The following AJAP1 variants were observed in gnomAD, a reference collection of about 807,000 sequenced individuals.
AJAP1 encodes the protein adherens junction-associated protein 1.
Under a neutral mutation model 35.0 loss-of-function variants are expected in AJAP1, and 5 were observed. That is an observed-to-expected ratio of 0.14 (90% CI 0.07 to 0.30). The LOEUF (loss-of-function observed/expected upper bound fraction) is 0.30, where lower values mean the gene tolerates loss of function less well. Ranked by LOEUF, AJAP1 falls within the 10% of genes least tolerant of loss-of-function variation. The pLI is 1.00. For missense variants in AJAP1, 586 were observed against 571.0 expected (o/e 1.03, Z -0.27); for synonymous variants, 284 against 249.3 (o/e 1.14, Z -1.31).
At chr1:4,767,250 A>G (rs1336113003) in intron 2 of AJAP1, among the ~76,000 whole-genome samples, 1 of 152,124 alleles carries the variant, frequency 6.6e-6, no homozygotes, top group Non-Finnish European at 1.5e-5. Flanking sequence ...CATCACCATT[A>G]TCATATCACT....
intron 1 of AJAP1, 65 bp from the exon 2 acceptor site, chr1:4,711,835 C>A: frequency 7.6e-7 from 1 of 1,315,182 alleles, no homozygotes; most frequent in Non-Finnish European, 1.0e-6. Context: ...GAGAGAGGGC[C>A]CCGGGGCCCA....
chr1:4,757,314 C>T (rs1641455303), intron 2 of AJAP1, among the ~76,000 whole-genome samples: 1 of 152,218 alleles, frequency 6.6e-6, no homozygotes, highest in African/African-American at 2.4e-5. Flanking sequence ...GGGGCTCACT[C>T]ACATGCCCCC....
At chr1:4,688,797 AG>A (rs1639667243) in intron 1 of AJAP1, among the ~76,000 whole-genome samples, 1 of 147,082 alleles carries the variant, frequency 6.8e-6, no homozygotes, top group South Asian at 2.2e-4. Flanking sequence ...AAAAAAAGAA[AG>A]GATCGTGATG....
intron 2 of AJAP1, among the ~76,000 whole-genome samples, chr1:4,744,866 C>T (rs988747580): frequency 6.6e-6 from 1 of 152,120 alleles, no homozygotes; most frequent in African/African-American, 2.4e-5. Flanking sequence ...GTGTGACAGA[C>T]AAGCAGAGGA....
At chr1:4,713,807 C>T (rs1243396234) in intron 2 of AJAP1, among the ~76,000 whole-genome samples, 1 of 152,266 alleles carries the variant, frequency 6.6e-6, no homozygotes, top group African/African-American at 2.4e-5. Context: ...CGGGGGCGCC[C>T]TGTGGCCTCC....
At chr1:4,732,420 GGGGAC>G (rs1640821173) in intron 2 of AJAP1, among the ~76,000 whole-genome samples, 1 of 152,258 alleles carries the variant, frequency 6.6e-6, no homozygotes, top group Admixed American at 6.5e-5. Context: ...CTGCTGGAGA[GGGGAC>G]CTCCAAGCTA....
chr1:4,713,271 C>T (rs547648552), intron 2 of AJAP1, among the ~76,000 whole-genome samples: 6 of 152,272 alleles, frequency 3.9e-5, no homozygotes, highest in Middle Eastern at 3.4e-3. Flanking sequence ...GAACTTCCTG[C>T]GGTGTTAACA....
At chr1:4,755,287 T>C (rs1235072759) in intron 2 of AJAP1, among the ~76,000 whole-genome samples, 3 of 152,234 alleles carry the variant, frequency 2.0e-5, no homozygotes, top group African/African-American at 7.2e-5. Context: ...TCAGAACCCC[T>C]GTGGGAAGTG....
chr1:4,714,979 T>C (rs950641272), intron 2 of AJAP1, among the ~76,000 whole-genome samples: 11 of 152,112 alleles, frequency 7.2e-5, no homozygotes, highest in Admixed American at 6.5e-4. Context: ...AGATCTTTGC[T>C]TAGGCTACTG....
At position 4,711,936 on chromosome 1, in the gene AJAP1, A is replaced by G; in HGVS notation, c.66A>G (p.Gly22=). The change falls in exon 2 of 6, where the codon GGA becomes GGG. Residue 22 remains glycine (G), a synonymous_variant. Transcript: ENST00000378191. ...MSIRWPGRPL[G]SHAWILIAMF... ...TCCGCTGGCCGGGCCGCCCCCTCGG[A>G]AGCCATGCCTGGATACTGATAGCCA... 2 of 1,539,070 alleles carry G rather than the reference A, an allele frequency of 1.3e-6. No homozygotes were observed. Among genetic ancestry groups the G allele is most frequent in the African/African-American group, 1.4e-5 (1 of 69,702 alleles).
At chr1:4,735,754 T>C (rs912531481) in intron 2 of AJAP1, among the ~76,000 whole-genome samples, 4 of 152,122 alleles carry the variant, frequency 2.6e-5, no homozygotes, top group African/African-American at 9.7e-5. Context: ...AGTAAGCCCC[T>C]CGACAAGCTG....
chr1:4,776,206 C>T (rs1215761465), intron 5 of AJAP1, among the ~76,000 whole-genome samples: 1 of 152,216 alleles, frequency 6.6e-6, no homozygotes, highest in Non-Finnish European at 1.5e-5. Context: ...CCAGTCCTCC[C>T]AGCAATCTCA....
At chr1:4,703,201 G>A (rs941346938) in intron 1 of AJAP1, among the ~76,000 whole-genome samples, 3 of 152,192 alleles carry the variant, frequency 2.0e-5, no homozygotes, top group East Asian at 1.9e-4. Context: ...GGAATGCCGC[G>A]AAAGTGATTC....
intron 1 of AJAP1, among the ~76,000 whole-genome samples, chr1:4,676,652 C>T (rs574593383): frequency 7.9e-5 from 12 of 152,232 alleles, no homozygotes; most frequent in South Asian, 2.1e-4. Flanking sequence ...ACTGGATTGT[C>T]GGGTGCCCAG....
At chr1:4,774,284 T>C in intron 4 of AJAP1, 143 bp from the exon 5 acceptor site, 1 of 699,560 alleles carries the variant, frequency 1.4e-6, no homozygotes, top group Non-Finnish European at 2.5e-6. Context: ...TGGGGGGTGG[T>C]CCCTTCCTGG....
chr1:4,691,522 C>A (rs925102690), intron 1 of AJAP1, among the ~76,000 whole-genome samples: 1 of 152,182 alleles, frequency 6.6e-6, no homozygotes, highest in Non-Finnish European at 1.5e-5. Flanking sequence ...GGGAGTGGCT[C>A]CAGAGAGGAG....
In AJAP1 at chr1:4,693,905, C is replaced by T. The variant is rs569735125; in HGVS notation, c.30-17995C>T. 6.6e-5 allele frequency among the ~76,000 whole-genome samples: 10 copies of T among 152,340 alleles called. No individual in the cohort carries two copies. The highest frequency in any genetic ancestry group is 2.0e-4 in the Admixed American group (3 of 15,300). ...CAGGGCCCCCTCACCTCTTACAGGT[C>T]CCACCTCAGTGCTGTGGCACAGGGA... On this transcript the variant is annotated intron_variant, in intron 1 of 5. Transcript: ENST00000378191. This position sits in a 1 kb window ranked among gnomAD's most constrained non-coding sequence, Gnocchi z 4.4.
chr1:4,683,441 C>G (rs906756315), intron 1 of AJAP1, among the ~76,000 whole-genome samples: 1 of 152,188 alleles, frequency 6.6e-6, no homozygotes. Context: ...TTCCAGGTGA[C>G]GCTGGTTCCA....
chr1:4,740,606 A>G (rs1486444698), intron 2 of AJAP1, among the ~76,000 whole-genome samples: 6 of 151,802 alleles, frequency 4.0e-5, no homozygotes, highest in African/African-American at 7.3e-5. Flanking sequence ...TAACATGGTG[A>G]AACCCCGTCT....
Sources: allele counts gnomAD v4.1 joint callset (sites outside exome capture counted in the v4.1 genomes callset), GRCh38; gene constraint gnomAD v4.1.1; non-coding constraint Gnocchi (gnomAD v3.1); transcripts MANE v1.5; gene names NCBI Gene and HGNC (gene_info 2026-07-23, HGNC 2026-07-21).